The following NOL4 variants were observed in gnomAD, a reference collection of about 807,000 sequenced individuals.
The protein encoded by NOL4 is nucleolar protein 4, also known as cancer/testis antigen 125.
Under a neutral mutation model 75.9 loss-of-function variants are expected in NOL4, and 17 were observed. The observed-to-expected ratio is 0.22, with a 90% confidence interval of 0.15 to 0.34. The LOEUF is 0.34. NOL4 is among the 10% of genes least tolerant of loss of function. NOL4 has a pLI of 1.00. For synonymous variants in NOL4, 292 were observed against 289.9 expected (o/e 1.01, Z -0.07); for missense variants, 614 against 793.5 (o/e 0.77, Z 2.72).
chr18:34,084,247 C>T (rs910412866), intron 5 of NOL4, among the ~76,000 whole-genome samples: 8 of 152,058 alleles, frequency 5.3e-5, no homozygotes, highest in African/African-American at 1.9e-4. Context: ...TGCCCTGACT[C>T]TCCAGAGCTA....
chr18:33,976,612 G>C (rs1209409044), intron 6 of NOL4, among the ~76,000 whole-genome samples: 1 of 152,008 alleles, frequency 6.6e-6, no homozygotes, highest in Non-Finnish European at 1.5e-5. Flanking sequence ...TAGATTTTGG[G>C]AAAGTACTTT....
chr18:34,005,869 C>A (rs2074002135), intron 6 of NOL4, among the ~76,000 whole-genome samples: 1 of 152,058 alleles, frequency 6.6e-6, no homozygotes, highest in Non-Finnish European at 1.5e-5. Context: ...TCCCAGATAA[C>A]CTTGCTGCCT....
chr18:34,061,674 A>G (rs1450809990), intron 5 of NOL4, among the ~76,000 whole-genome samples: 2 of 152,098 alleles, frequency 1.3e-5, no homozygotes, highest in African/African-American at 4.8e-5. Flanking sequence ...ATAACTCCTA[A>G]ATGGTGGAGT....
chr18:33,914,987 T>C (rs1430156046), intron 9 of NOL4, among the ~76,000 whole-genome samples: 1 of 151,994 alleles, frequency 6.6e-6, no homozygotes, highest in African/African-American at 2.4e-5. Context: ...AGAAGAGGTC[T>C]AAAGCCAGGA....
chr18:34,044,318 T>C (rs139917213), intron 5 of NOL4, among the ~76,000 whole-genome samples: 81 of 152,180 alleles, frequency 5.3e-4, no homozygotes, highest in Non-Finnish European at 9.9e-4. Flanking sequence ...CTTTAACTAA[T>C]TGGATAATTA....
In NOL4 at chr18:33,980,576, C is replaced by A. The variant is rs150526475; in HGVS notation, c.1057-22158G>T. Among the ~76,000 whole-genome samples, 166 of 151,916 alleles carry A rather than the reference C, an allele frequency of 1.1e-3. 4 individuals carry two copies. In the East Asian group the frequency reaches 0.031, roughly 29 times the overall value. On this transcript the variant is annotated intron_variant, in intron 6 of 10. Transcript: ENST00000261592. ...TTACCCAACTCTAGCCTGCTCTAGG[C>A]ATCCTGTACCACCAAGAAGAGTGGA...
At chr18:34,211,263 T>G (rs957649208) in intron 1 of NOL4, among the ~76,000 whole-genome samples, 4 of 152,204 alleles carry the variant, frequency 2.6e-5, no homozygotes, top group Non-Finnish European at 5.9e-5. Flanking sequence ...AACTAATTGA[T>G]TGTGATGGTA....
At chr18:33,931,748 A>G (rs1599911930) in intron 9 of NOL4, among the ~76,000 whole-genome samples, 1 of 152,188 alleles carries the variant, frequency 6.6e-6, no homozygotes, top group South Asian at 2.1e-4. Flanking sequence ...TAAAATTAAA[A>G]AGAAAATTAA....
At chr18:34,146,507 G>A (rs2081398214) in intron 1 of NOL4, among the ~76,000 whole-genome samples, 1 of 151,946 alleles carries the variant, frequency 6.6e-6, no homozygotes, top group South Asian at 2.1e-4. Context: ...GCTTGTTTTT[G>A]TCAGCTTTGT....
intron 1 of NOL4, among the ~76,000 whole-genome samples, chr18:34,145,578 C>G (rs1838612212): frequency 1.3e-5 from 2 of 151,682 alleles, no homozygotes; most frequent in African/African-American, 4.8e-5. Context: ...GTTTATAACT[C>G]TAAGAATTTT....
intron 1 of NOL4, among the ~76,000 whole-genome samples, chr18:34,174,488 A>G (rs2033350767): frequency 6.6e-6 from 1 of 152,072 alleles, no homozygotes; most frequent in Non-Finnish European, 1.5e-5. Context: ...TCTGCTCTGT[A>G]TGTTTCAGTA....
intron 1 of NOL4, among the ~76,000 whole-genome samples, chr18:34,199,621 G>A (rs911667260): frequency 1.3e-4 from 19 of 151,940 alleles, no homozygotes; most frequent in Admixed American, 5.9e-4. Context: ...AGATGAACAC[G>A]TCAGTGTTCT....
At chr18:34,176,143 AT>A (rs2033526704) in intron 1 of NOL4, among the ~76,000 whole-genome samples, 1 of 152,114 alleles carries the variant, frequency 6.6e-6, no homozygotes, top group South Asian at 2.1e-4. Context: ...ATTTAAAAAA[AT>A]AAAGGACCAA....
chr18:33,883,369 T>C lies in NOL4; in HGVS notation c.1598A>G (p.Tyr533Cys). The C allele has an allele frequency of 1.9e-6, 3 of 1,613,222 alleles. No individual in the cohort carries two copies. Among genetic ancestry groups the C allele is most frequent in the Non-Finnish European group, 2.5e-6 (3 of 1,179,542 alleles). ...QCKPEATQAT[Y>C]STSAVPGSQD... is the part of the protein sequence containing the mutation. ...TGAGCCTGGAACAGCTGATGTTGAGTAAGTGGCCTGGGTCGCCTCTGGTTT... is the reference window on the plus strand; with the variant it reads ...TGAGCCTGGAACAGCTGATGTTGAGCAAGTGGCCTGGGTCGCCTCTGGTTT... The change falls in exon 10 of 11, where the codon TAC becomes TGC. Residue 533 changes from tyrosine to cysteine, a missense_variant. By Grantham distance (194) the Tyr-to-Cys change is radical. This residue lies in a region of NOL4 where 128 missense variants were observed against 159.9 expected (regional missense o/e 0.80). Coordinates refer to ENST00000261592, the MANE Select transcript of NOL4 (RefSeq NM_003787.5).
At chr18:33,909,948 T>G (rs183503916) in intron 9 of NOL4, among the ~76,000 whole-genome samples, 47 of 152,248 alleles carry the variant, frequency 3.1e-4, no homozygotes, top group Non-Finnish European at 2.9e-5. Context: ...GAGAAAAACA[T>G]GTAAACCGAT....
intron 6 of NOL4, among the ~76,000 whole-genome samples, chr18:34,014,761 T>C (rs1416751157): frequency 1.3e-5 from 2 of 152,040 alleles, no homozygotes; most frequent in African/African-American, 2.4e-5. Flanking sequence ...TTCAGTGCAA[T>C]ACATTTAGTC....
At position 34,146,257 on chromosome 18, in the gene NOL4, G is replaced by A. The variant is rs139063666; in HGVS notation, c.265-16237C>T. Reference sequence around the variant, plus strand: ...TCACTGCTCTAGTGCCTATTAAACAGTTTATATAGTAGCTTTTGGTGTTTT... The same window carrying A: ...TCACTGCTCTAGTGCCTATTAAACAATTTATATAGTAGCTTTTGGTGTTTT... On this transcript the variant is annotated intron_variant, in intron 1 of 10. Transcript: ENST00000261592. Among the ~76,000 whole-genome samples, 851 of 151,456 alleles carry A rather than the reference G, an allele frequency of 5.6e-3. 12 individuals are homozygous for A. Among genetic ancestry groups the A allele is most frequent in the African/African-American group, 0.02 (816 of 41,242 alleles).
At chr18:34,142,598 G>T (rs1026049548) in intron 1 of NOL4, among the ~76,000 whole-genome samples, 1 of 151,974 alleles carries the variant, frequency 6.6e-6, no homozygotes, top group Non-Finnish European at 1.5e-5. Flanking sequence ...ACCAAACATC[G>T]CATGTTCTCA....
chr18:33,946,479 A>G (rs187696944), intron 8 of NOL4, among the ~76,000 whole-genome samples: 157 of 151,888 alleles, frequency 1.0e-3, no homozygotes, highest in Non-Finnish European at 1.8e-3. Flanking sequence ...GCAGCGATGT[A>G]TGTGGAAATA....
Sources: allele counts gnomAD v4.1 joint callset (sites outside exome capture counted in the v4.1 genomes callset), GRCh38; gene constraint gnomAD v4.1.1; regional missense constraint gnomAD v4.1.1; transcripts MANE v1.5; gene names NCBI Gene and HGNC (gene_info 2026-07-23, HGNC 2026-07-21).